The following ADH1C variants were observed in gnomAD, a reference collection of about 807,000 sequenced individuals.
ADH1C encodes alcohol dehydrogenase 1C.
In ADH1C, 26 loss-of-function variants were observed where a neutral mutation model predicts 35.0. That is an observed-to-expected ratio of 0.74 (90% CI 0.54 to 1.03). The LOEUF (loss-of-function observed/expected upper bound fraction) is 1.03. Among genes scored for constraint, ADH1C ranks in the 50% least tolerant of loss-of-function variants. The pLI is 0.00. For synonymous variants in ADH1C, 170 were observed against 169.3 expected (o/e 1.00, Z -0.03); for missense variants, 413 against 465.4 (o/e 0.89, Z 1.04).
At chr4:99,350,602 T>C (rs1734651193) in intron 1 of ADH1C, among the ~76,000 whole-genome samples, 1 of 152,240 alleles carries the variant, frequency 6.6e-6, no homozygotes, top group South Asian at 2.1e-4. Flanking sequence ...TAGTATCTCA[T>C]GGTGTACATA....
At chr4:99,345,637 T>C (rs1223338413) in intron 3 of ADH1C, among the ~76,000 whole-genome samples, 1 of 152,248 alleles carries the variant, frequency 6.6e-6, no homozygotes, top group Non-Finnish European at 1.5e-5. Flanking sequence ...AGTATACATA[T>C]AAATTTTAGT....
chr4:99,346,879 T>C, intron 3 of ADH1C, 127 bp downstream of exon 3: 1 of 1,470,356 alleles, frequency 6.8e-7, no homozygotes, highest in Non-Finnish European at 9.1e-7. Context: ...AGGAAACCCC[T>C]GAAGTCCCAG....
At chr4:99,340,506 C>G in intron 7 of ADH1C, 69 bp downstream of exon 7, 1 of 1,549,744 alleles carries the variant, frequency 6.5e-7, no homozygotes, top group Non-Finnish European at 8.8e-7. Flanking sequence ...AAAAACTTGC[C>G]TTGTCACTCA....
intron 8 of ADH1C, among the ~76,000 whole-genome samples, chr4:99,338,396 TATA>T (rs1734329086): frequency 4.0e-4 from 3 of 7,436 alleles, no homozygotes; most frequent in Admixed American, 1.7e-3. Flanking sequence ...TACTGTTTTC[TATA>T]TATATATATA....
At chr4:99,339,519 C>A (rs879545685) in intron 8 of ADH1C, 58 bp downstream of exon 8, 6 of 1,062,198 alleles carry the variant, frequency 5.6e-6, no homozygotes, top group Admixed American at 3.3e-5. Flanking sequence ...AACGCCCCCC[C>A]CCCCCCCGCC....
intron 8 of ADH1C, among the ~76,000 whole-genome samples, chr4:99,338,982 G>T (rs187730983): frequency 1.3e-5 from 2 of 152,030 alleles, no homozygotes; most frequent in Admixed American, 1.3e-4. Context: ...TGGAGAAAAT[G>T]TAAGACAAAT....
chr4:99,336,650 A>T lies in ADH1C; in HGVS notation c.*102T>A, dbSNP rs1178366917. On this transcript the variant is annotated 3_prime_UTR_variant, in exon 9 of 9. Coordinates refer to ENST00000515683, the MANE Select transcript of ADH1C (RefSeq NM_000669.5). ...CTCCCACGTGTAATTTATTTTTAAC[A>T]TCTCTGAAGAGCAGAATTAATGATA... 2.1e-6 allele frequency: 3 copies of T among 1,399,510 alleles called. No homozygotes were observed. In the African/African-American group the frequency reaches 4.3e-5, roughly 20 times the overall value. 86.7% of individuals were successfully genotyped at this position (1,399,510 alleles called of 1,614,324 possible). A position where few individuals can be genotyped will look rare whatever the true frequency, so the allele number is the denominator to read the frequency against.
chr4:99,344,942 C>A lies in ADH1C; in HGVS notation c.487G>T (p.Ala163Ser). 1.2e-6 allele frequency: 2 copies of A among 1,614,176 alleles called. No homozygotes were observed. The highest frequency in any genetic ancestry group is 1.7e-5 in the Admixed American group (1 of 60,008). ...CAGACTTTCTCCAGGGGCGAGGCTGCATCAATTTTGGCCACTGCATTCTCA... is the reference window on the plus strand; with the variant it reads ...CAGACTTTCTCCAGGGGCGAGGCTGAATCAATTTTGGCCACTGCATTCTCA... ...VDENAVAKID[A>S]ASPLEKVCLI... The change falls in exon 5 of 9, where the codon GCA becomes TCA. Residue 163 changes from alanine to serine, a missense_variant. By Grantham distance (99) the Ala-to-Ser change is moderately conservative (BLOSUM62 1). Coordinates refer to ENST00000515683, the MANE Select transcript of ADH1C (RefSeq NM_000669.5).
chr4:99,342,809 G>A lies in ADH1C; in HGVS notation c.814C>T (p.Arg272Trp), dbSNP rs1395450124. ...ACGGATCATACCATGGTGTCAAGCCGACCGATGACTTCAAACGAAAAATCC... is the reference window on the plus strand; with the variant it reads ...ACGGATCATACCATGGTGTCAAGCCAACCGATGACTTCAAACGAAAAATCC... ...GVDFSFEVIG[R>W]LDTMMASLLC... The change falls in exon 6 of 9, where the codon CGG (arginine) becomes TGG (tryptophan). Residue 272 changes from arginine to tryptophan, a missense_variant. Arg to Trp is a moderately radical substitution (Grantham distance 101). Transcript: ENST00000515683. 23 of 1,613,860 alleles carry A rather than the reference G, an allele frequency of 1.4e-5. No individual in the cohort carries two copies. Among genetic ancestry groups the A allele is most frequent in the Non-Finnish European group, 1.8e-5 (21 of 1,179,884 alleles).
intron 1 of ADH1C, among the ~76,000 whole-genome samples, chr4:99,349,470 T>C (rs1044898816): frequency 6.6e-6 from 1 of 152,196 alleles, no homozygotes; most frequent in African/African-American, 2.4e-5. Context: ...GGCTGGTACA[T>C]GTTCTAAGTC....
intron 8 of ADH1C, among the ~76,000 whole-genome samples, chr4:99,338,460 G>T (rs528679240): frequency 6.9e-4 from 77 of 111,540 alleles, no homozygotes; most frequent in African/African-American, 2.4e-3. Flanking sequence ...CTCTTGAGGG[G>T]TGGTGTGGTT....
chr4:99,337,398 T>C (rs1412666619), intron 8 of ADH1C, among the ~76,000 whole-genome samples: 1 of 152,098 alleles, frequency 6.6e-6, no homozygotes, highest in Non-Finnish European at 1.5e-5. Flanking sequence ...TTAATAGACC[T>C]TTGATACAGA....
intron 8 of ADH1C, 31 bp from the exon 9 acceptor site, chr4:99,336,807 A>G: frequency 2.5e-6 from 4 of 1,613,394 alleles, no homozygotes; most frequent in Non-Finnish European, 3.4e-6. Context: ...CATTGTGTTA[A>G]CATTTAGACA....
Position 99,342,782 on chromosome 4 carries a change from T to C in ADH1C, c.828+13A>G. ...GCAGAGGCAGAAATTTCAGGGCATG[T>C]CACGGATCATACCATGGTGTCAAGC... On this transcript the variant is annotated intron_variant, in intron 6 of 8. Transcript: ENST00000515683. 6.2e-7 allele frequency: 1 copy of C among 1,613,996 alleles called. No individual in the cohort carries two copies.
chr4:99,352,353 C>T (rs1382333407), intron 1 of ADH1C, among the ~76,000 whole-genome samples: 1 of 152,116 alleles, frequency 6.6e-6, no homozygotes, highest in Non-Finnish European at 1.5e-5. Flanking sequence ...AATAAACTAT[C>T]ACTTTACGGC....
chr4:99,349,314 A>G (rs1015997065), intron 1 of ADH1C, among the ~76,000 whole-genome samples: 12 of 151,654 alleles, frequency 7.9e-5, no homozygotes, highest in Non-Finnish European at 1.5e-4. Flanking sequence ...ATAAGGTGTA[A>G]GGAAGGGATC....
chr4:99,343,358 G>A (rs1389627100), intron 5 of ADH1C, among the ~76,000 whole-genome samples: 6 of 152,192 alleles, frequency 3.9e-5, no homozygotes, highest in Non-Finnish European at 8.8e-5. Flanking sequence ...AAGTCCTCAA[G>A]GGACTCCAAT....
chr4:99,338,258 C>T (rs1209016043), intron 8 of ADH1C, among the ~76,000 whole-genome samples: 1 of 150,374 alleles, frequency 6.7e-6, no homozygotes, highest in Admixed American at 6.6e-5. Flanking sequence ...TTTAGGCATG[C>T]TCCATGCCTT....
intron 8 of ADH1C, among the ~76,000 whole-genome samples, chr4:99,338,390 G>C (rs561424024): frequency 3.7e-5 from 2 of 53,372 alleles, no homozygotes; most frequent in African/African-American, 1.5e-4. Context: ...GATGAATACT[G>C]TTTTCTATAT....
Sources: gnomAD v4.1 joint callset for allele counts (sites outside exome capture counted in the v4.1 genomes callset) on GRCh38, gnomAD v4.1.1 for gene constraint, MANE v1.5 for transcripts, NCBI Gene and HGNC (gene_info 2026-07-23, HGNC 2026-07-21) for gene names.